The following LCN15 variants were observed in gnomAD, a reference collection of about 807,000 sequenced individuals.
LCN15 encodes lipocalin 15.
LCN15 carries 26 observed loss-of-function variants against 23.1 expected under a neutral mutation model. The ratio of observed to expected loss-of-function variants is 1.13; its 90% CI spans 0.82 to 1.56. LCN15 has a LOEUF of 1.56. LCN15 is among the 40% of genes most tolerant of loss of function. The probability of loss-of-function intolerance (pLI) is 0.00; values close to 1 mark genes in which losing one functional copy is unlikely to be tolerated. For missense variants in LCN15, 241 were observed against 239.5 expected (o/e 1.01, Z -0.04); for synonymous variants, 107 against 98.3 (o/e 1.09, Z -0.52).
chr9:136,761,689 C>T lies in LCN15; in HGVS notation c.*32+98G>A. ...TGAAGCATGGGGTCGCCAGGCAGAA[C>T]AGCGGGGCAGGCATGGGGCAGACAG... On this transcript the variant is annotated intron_variant, in intron 6 of 6. Coordinates refer to ENST00000316144, the MANE Select transcript of LCN15 (RefSeq NM_203347.2). The surrounding 1 kb of genome is among the most constrained non-coding windows in gnomAD (Gnocchi z 4.2). 2.0e-6 allele frequency: 1 copy of T among 511,812 alleles called. No homozygotes were observed. Among genetic ancestry groups the T allele is most frequent in the Non-Finnish European group, 3.1e-6 (1 of 326,712 alleles). The allele number at this position is 511,812 out of a possible 1,614,324, so 31.7% of individuals were successfully genotyped here.
chr9:136,761,774 C>G lies in LCN15; in HGVS notation c.*32+13G>C. The stretch of plus-strand genomic sequence containing the variant: ...GCAACCAGGGCATCCCCTGCAGGGC[C>G]TGGAGAACCCACCTGGGAAGGGCGG... On this transcript the variant is annotated intron_variant, in intron 6 of 6. Transcript: ENST00000316144. This position sits in a 1 kb window ranked among gnomAD's most constrained non-coding sequence, Gnocchi z 4.2. The G allele has an allele frequency of 1.6e-6, 2 of 1,252,890 alleles. No homozygotes were observed. The highest frequency in any genetic ancestry group is 2.0e-6 in the Non-Finnish European group (2 of 995,054). The allele number at this position is 1,252,890 out of a possible 1,614,324, so 77.6% of individuals were successfully genotyped here.
intron 4 of LCN15, 140 bp downstream of exon 4, chr9:136,763,217 C>A (rs1847339516): frequency 1.9e-6 from 1 of 527,874 alleles, no homozygotes; most frequent in Non-Finnish European, 3.2e-6. Context: ...GCCTAAAAGG[C>A]GGGGGGCGGA....
chr9:136,762,162 G>T (rs1329297753), intron 5 of LCN15, 26 bp downstream of exon 5: 2 of 1,386,510 alleles, frequency 1.4e-6, no homozygotes. Context: ...TGGGGGGCAT[G>T]GGGTGGGCGG....
chr9:136,762,074 G>C (rs1232551511), intron 5 of LCN15, 114 bp downstream of exon 5: 2 of 777,354 alleles, frequency 2.6e-6, no homozygotes, highest in Non-Finnish European at 4.0e-6. Flanking sequence ...CCCTGGAAGA[G>C]AAGACCACCT....
At chr9:136,760,565 C>T (rs1267281469) in intron 6 of LCN15, among the ~76,000 whole-genome samples, 1 of 152,228 alleles carries the variant, frequency 6.6e-6, no homozygotes, top group South Asian at 2.1e-4. Context: ...TCACGTCAGA[C>T]ACGTGACGTG....
rs1234749024 is a variant in LCN15 at position 136,761,092 on chromosome 9, G to A, written c.*32+695C>T. ...GTGGGAGGACGGAGGCGGAGACAGG[G>A]CTGATGCTTCCACAGGCCAAGAAAT... On this transcript the variant is annotated intron_variant, in intron 6 of 6. Transcript: ENST00000316144. The surrounding 1 kb of genome is among the most constrained non-coding windows in gnomAD (Gnocchi z 4.2). Among the ~76,000 whole-genome samples, 1 of 152,160 alleles carries A rather than the reference G, an allele frequency of 6.6e-6. No individual in the cohort carries two copies. The highest frequency in any genetic ancestry group is 2.4e-5 in the African/African-American group (1 of 41,418).
At chr9:136,764,256 C>T (rs1016269911) in intron 1 of LCN15, 137 bp downstream of exon 1, 4 of 902,282 alleles carry the variant, frequency 4.4e-6, no homozygotes, top group Non-Finnish European at 6.8e-6. Context: ...TAGGATTAAG[C>T]GCAGAGTGGG....
In LCN15 at chr9:136,762,181, A is replaced by G. The variant is rs1159051622; in HGVS notation, c.520+7T>C. The G allele has an allele frequency of 3.9e-6, 6 of 1,549,824 alleles. No homozygotes were observed. Among genetic ancestry groups the G allele is most frequent in the Non-Finnish European group, 5.2e-6 (6 of 1,147,328 alleles). The stretch of plus-strand genomic sequence containing the variant: ...GGGCATGGGGTGGGCGGGGCTTGCC[A>G]GGGTACCTGACTGGGGCAGCATGAC... On this transcript the variant is annotated splice_region_variant and intron_variant, in intron 5 of 6. Transcript: ENST00000316144.
Position 136,763,411 on chromosome 9 carries a change from G to T in LCN15, c.364C>A (p.Leu122Ile). The change falls in exon 4 of 7, where the codon CTT becomes ATT. Residue 122 changes from leucine to isoleucine, a missense_variant. Physicochemically the swap from Leu to Ile is conservative, Grantham distance 5. Coordinates refer to ENST00000316144, the MANE Select transcript of LCN15 (RefSeq NM_203347.2). ...CCCTCCAGCTCCTTGTAGATGTAAA[G>T]GACGGCGAAGGAGCTGTAGTCTGTG... ...VDTDYSSFAV[L>I]YIYKELEGAL... 6 of 1,609,624 alleles carry T rather than the reference G, an allele frequency of 3.7e-6. No individual in the cohort carries two copies. Among genetic ancestry groups the T allele is most frequent in the Non-Finnish European group, 3.4e-6 (4 of 1,178,480 alleles).
In LCN15 at chr9:136,762,272, T is replaced by C; in HGVS notation, c.436A>G (p.Ser146Gly). Reference sequence around the variant, plus strand: ...TGGAAGGACTTCAGAGCCTGGGGACTCACATCCTGGGTCCGGCCTGGGCAG... The same window carrying C: ...TGGAAGGACTTCAGAGCCTGGGGACCCACATCCTGGGTCCGGCCTGGGCAG... ...VQLYSRTQDV[S>G]PQALKSFQDF... is the part of the protein sequence containing the mutation. The change falls in exon 5 of 7, where the codon AGT becomes GGT. Residue 146 changes from serine (S) to glycine (G), a missense_variant. Coordinates refer to ENST00000316144, the MANE Select transcript of LCN15 (RefSeq NM_203347.2). 6.3e-7 allele frequency: 1 copy of C among 1,590,542 alleles called. No homozygotes were observed. Among genetic ancestry groups the C allele is most frequent in the Non-Finnish European group, 8.6e-7 (1 of 1,167,482 alleles).
At chr9:136,759,951 T>TGCTGCCCCAGGCGAGAG (rs1306498255) in intron 6 of LCN15, among the ~76,000 whole-genome samples, 168 bp from the exon 7 acceptor site, 1 of 62,666 alleles carries the variant, frequency 1.6e-5, no homozygotes, top group African/African-American at 3.9e-5. Context: ...CAGCTACCAC[T>TGCTGCCCCAGGCGAGAG]GCTGCCCCAG....
In LCN15 at chr9:136,761,908, C is replaced by T; in HGVS notation, c.521-55G>A. 1 of 1,301,790 alleles carries T rather than the reference C, an allele frequency of 7.7e-7. No individual in the cohort carries two copies. Among genetic ancestry groups the T allele is most frequent in the Non-Finnish European group, 9.8e-7 (1 of 1,015,328 alleles). The allele number at this position is 1,301,790 out of a possible 1,614,324, so 80.6% of individuals were successfully genotyped here. A position where few individuals can be genotyped will look rare whatever the true frequency, so the allele number is the denominator to read the frequency against. ...TGACGGCCAGGACCGCCCTCGCTTC[C>T]CGCAGCCCCCAACCCCTGGGTGCCA... On this transcript the variant is annotated intron_variant, in intron 5 of 6. Coordinates refer to ENST00000316144, the MANE Select transcript of LCN15 (RefSeq NM_203347.2). This position sits in a 1 kb window ranked among gnomAD's most constrained non-coding sequence, Gnocchi z 4.2.
At chr9:136,762,892 C>CA (rs1303223993) in intron 4 of LCN15, among the ~76,000 whole-genome samples, 3 of 146,950 alleles carry the variant, frequency 2.0e-5, no homozygotes, top group Non-Finnish European at 4.5e-5. Context: ...CACTGCACTC[C>CA]AGCCTGGGCG....
At position 136,759,696 on chromosome 9, in the gene LCN15, G is replaced by C. The variant is rs1220874904; in HGVS notation, c.*120C>G. On this transcript the variant is annotated 3_prime_UTR_variant, in exon 7 of 7. Coordinates refer to ENST00000316144, the MANE Select transcript of LCN15 (RefSeq NM_203347.2). ...GTCCCACAAGGCATCCCACAGGCGG[G>C]GGGTGGAGGATGGAGAGACTCCAGG... The C allele has an allele frequency of 1.3e-5, 2 of 152,316 alleles. No individual in the cohort carries two copies. Among genetic ancestry groups the C allele is most frequent in the Non-Finnish European group, 2.9e-5 (2 of 68,122 alleles). The allele number at this position is 152,316 out of a possible 1,614,324, so 9.4% of individuals were successfully genotyped here. A position where few individuals can be genotyped will look rare whatever the true frequency, so the allele number is the denominator to read the frequency against.
At position 136,761,417 on chromosome 9, in the gene LCN15, C is replaced by T. The variant is rs1214730312; in HGVS notation, c.*32+370G>A. On this transcript the variant is annotated intron_variant, in intron 6 of 6. Coordinates refer to ENST00000316144, the MANE Select transcript of LCN15 (RefSeq NM_203347.2). This position sits in a 1 kb window ranked among gnomAD's most constrained non-coding sequence, Gnocchi z 4.2. ...CTGAGATTACAGGTGTGCACCACCACGCCCAGCTAAGTTTTGTATTTTTAG... is the reference window on the plus strand; with the variant it reads ...CTGAGATTACAGGTGTGCACCACCATGCCCAGCTAAGTTTTGTATTTTTAG... Among the ~76,000 whole-genome samples, 16 of 152,158 alleles carry T rather than the reference C, an allele frequency of 1.1e-4. No homozygotes were observed. Among genetic ancestry groups the T allele is most frequent in the African/African-American group, 3.9e-4 (16 of 41,432 alleles).
At position 136,764,393 on chromosome 9, in the gene LCN15, C is replaced by T; in HGVS notation, c.96G>A (p.Lys32=). ...ACAGGACAGCAGAGGCCCCTGGTAC[C>T]TTTTCAGCATTGAAGTCAGGCTGCA... ...VLLQPDFNAE[K]FSGLWYVVSM... Residue 32 remains lysine (K), a splice_region_variant and synonymous_variant, in exon 1 of 7, where the codon AAG becomes AAA. Transcript: ENST00000316144. 6.2e-7 allele frequency: 1 copy of T among 1,612,724 alleles called. No homozygotes were observed. The highest frequency in any genetic ancestry group is 1.7e-5 in the Admixed American group (1 of 59,968).
intron 6 of LCN15, among the ~76,000 whole-genome samples, chr9:136,760,016 G>A (rs577735270): frequency 5.3e-5 from 8 of 152,300 alleles, no homozygotes; most frequent in South Asian, 2.1e-4. Context: ...CACCTTCCCC[G>A]GCGCGGGAGG....
chr9:136,764,381 G>T lies in LCN15; in HGVS notation c.96+12C>A, dbSNP rs751766854. On this transcript the variant is annotated intron_variant, in intron 1 of 6. Transcript: ENST00000316144. ...CTCCCACCCACCACAGGACAGCAGA[G>T]GCCCCTGGTACCTTTTCAGCATTGA... The T allele has an allele frequency of 4.3e-6, 7 of 1,610,404 alleles. No homozygotes were observed. The highest frequency in any genetic ancestry group is 5.9e-6 in the Non-Finnish European group (7 of 1,177,822).
intron 4 of LCN15, 110 bp downstream of exon 4, chr9:136,763,247 T>G (rs1588314080): frequency 2.0e-5 from 10 of 504,518 alleles, no homozygotes; most frequent in African/African-American, 7.0e-5. Flanking sequence ...GCGGGGCCTG[T>G]GAGGAGGCGC....
Sources: allele counts gnomAD v4.1 joint callset (sites outside exome capture counted in the v4.1 genomes callset), GRCh38; gene constraint gnomAD v4.1.1; non-coding constraint Gnocchi (gnomAD v3.1); transcripts MANE v1.5; gene names NCBI Gene and HGNC (gene_info 2026-07-23, HGNC 2026-07-21).